Variants in ATRNL1 observed in about 807,000 individuals in gnomAD.
ATRNL1 encodes attractin like 1.
Under a neutral mutation model 182.7 loss-of-function variants are expected in ATRNL1, and 95 were observed. The observed-to-expected ratio is 0.52, with a 90% CI of 0.44 to 0.62. The LOEUF (loss-of-function observed/expected upper bound fraction) is 0.62. ATRNL1 is among the 20% of genes least tolerant of loss of function. ATRNL1 has a pLI of 0.00. For missense variants in ATRNL1, 1,471 were observed against 1,679.5 expected (o/e 0.88, Z 2.17); for synonymous variants, 576 against 568.3 (o/e 1.01, Z -0.19).
chr10:115,549,024 T>A (rs1852819438), intron 25 of ATRNL1, among the ~76,000 whole-genome samples: 1 of 152,124 alleles, frequency 6.6e-6, no homozygotes, highest in Non-Finnish European at 1.5e-5. Context: ...TAATTTAATA[T>A]GTTCATATAT....
At chr10:115,837,572 A>C (rs937971453) in intron 27 of ATRNL1, among the ~76,000 whole-genome samples, 12 of 151,368 alleles carry the variant, frequency 7.9e-5, no homozygotes, top group Admixed American at 7.9e-4. Flanking sequence ...CATCCATAAA[A>C]TATTTTTCTG....
At chr10:115,297,012 G>A (rs1056445197) in intron 15 of ATRNL1, among the ~76,000 whole-genome samples, 4 of 152,184 alleles carry the variant, frequency 2.6e-5, no homozygotes, top group Admixed American at 6.5e-5. Context: ...GGCATCTAAC[G>A]AGTAATGTGG....
chr10:115,652,169 A>G (rs544662202), intron 26 of ATRNL1, among the ~76,000 whole-genome samples: 14 of 152,046 alleles, frequency 9.2e-5, no homozygotes, highest in Non-Finnish European at 2.1e-4. Context: ...ATAGCTGTAA[A>G]GGGGATTGTT....
intron 27 of ATRNL1, among the ~76,000 whole-genome samples, chr10:115,829,607 A>G (rs1036832123): frequency 6.6e-6 from 1 of 152,050 alleles, no homozygotes; most frequent in Admixed American, 6.6e-5. Context: ...TTCCTGAGCT[A>G]GCATATACTT....
chr10:115,571,568 T>G (rs1220900515), intron 26 of ATRNL1, among the ~76,000 whole-genome samples: 5 of 152,194 alleles, frequency 3.3e-5, no homozygotes, highest in African/African-American at 1.2e-4. Flanking sequence ...ATTTTCTCTC[T>G]AGTAGGCTGG....
At chr10:115,702,427 G>A (rs1397122320) in intron 26 of ATRNL1, among the ~76,000 whole-genome samples, 2 of 151,942 alleles carry the variant, frequency 1.3e-5, no homozygotes, top group Admixed American at 1.3e-4. Context: ...AGAGCAATCA[G>A]GCAAGGAAAA....
At chr10:115,544,882 G>C (rs985623940) in intron 25 of ATRNL1, among the ~76,000 whole-genome samples, 1 of 152,112 alleles carries the variant, frequency 6.6e-6, no homozygotes, top group Admixed American at 6.5e-5. Context: ...TAACTATGCT[G>C]AATAAATATG....
intron 26 of ATRNL1, among the ~76,000 whole-genome samples, chr10:115,562,192 A>G (rs1853798869): frequency 6.6e-6 from 1 of 152,186 alleles, no homozygotes; most frequent in African/African-American, 2.4e-5. Flanking sequence ...TTCTACATTA[A>G]AAAGGAATGA....
At chr10:115,243,055 ATGAAAGTTTTGTTTGT>A (rs1409142542) in intron 10 of ATRNL1, among the ~76,000 whole-genome samples, 68 of 152,066 alleles carry the variant, frequency 4.5e-4, no homozygotes, top group African/African-American at 1.6e-3. Context: ...CTGGAAGTTG[ATGAAAGTTTTGTTTGT>A]TTGTTTTTCT....
intron 24 of ATRNL1, among the ~76,000 whole-genome samples, chr10:115,507,429 T>C (rs541463683): frequency 6.6e-6 from 1 of 152,144 alleles, no homozygotes; most frequent in Non-Finnish European, 1.5e-5. Flanking sequence ...AATGCGTGAT[T>C]GCAAATATTA....
chr10:115,240,713 TA>T (rs1282490140), intron 9 of ATRNL1, among the ~76,000 whole-genome samples: 3 of 152,138 alleles, frequency 2.0e-5, no homozygotes, highest in African/African-American at 7.2e-5. Flanking sequence ...AGTAGTTATT[TA>T]ATATTTATTT....
At chr10:115,896,914 G>A (rs190614024) in intron 28 of ATRNL1, among the ~76,000 whole-genome samples, 25 of 152,202 alleles carry the variant, frequency 1.6e-4, no homozygotes, top group African/African-American at 6.0e-4. Context: ...ACTTGTAATA[G>A]GGAGGACCCA....
chr10:115,683,116 TTTTAA>T (rs1323638679), intron 26 of ATRNL1, among the ~76,000 whole-genome samples: 5 of 152,260 alleles, frequency 3.3e-5, no homozygotes, highest in African/African-American at 4.8e-5. Context: ...TTGATAAAGT[TTTTAA>T]TTTAATATAT....
At chr10:115,112,764 GA>G (rs1229747057) in intron 1 of ATRNL1, among the ~76,000 whole-genome samples, 2 of 152,104 alleles carry the variant, frequency 1.3e-5, no homozygotes, top group African/African-American at 2.4e-5. Flanking sequence ...AATTTGTGAG[GA>G]AAAAATCATC....
chr10:115,654,184 G>A (rs1416148303), intron 26 of ATRNL1, among the ~76,000 whole-genome samples: 1 of 151,642 alleles, frequency 6.6e-6, no homozygotes, highest in African/African-American at 2.4e-5. Context: ...TGGCATTGCT[G>A]TTGTAGACAG....
chr10:115,510,638 T>A (rs1469912428), intron 24 of ATRNL1, among the ~76,000 whole-genome samples: 1 of 152,002 alleles, frequency 6.6e-6, no homozygotes, highest in Non-Finnish European at 1.5e-5. Flanking sequence ...ACCAAAAAAA[T>A]TTTGTGACCC....
At chr10:115,355,930 T>C (rs1856484366) in intron 19 of ATRNL1, among the ~76,000 whole-genome samples, 1 of 152,048 alleles carries the variant, frequency 6.6e-6, no homozygotes, top group Non-Finnish European at 1.5e-5. Flanking sequence ...TTTTCAGTTT[T>C]GGGGAAAAAA....
chr10:115,918,028 G>A (rs115468942), intron 28 of ATRNL1, among the ~76,000 whole-genome samples: 2,114 of 150,536 alleles, frequency 0.014, 56 homozygotes, highest in African/African-American at 0.049. Flanking sequence ...TTATTGCCTT[G>A]CTGCAAAATA....
chr10:115,413,707 A>T (rs575111530), intron 20 of ATRNL1, among the ~76,000 whole-genome samples: 2 of 152,096 alleles, frequency 1.3e-5, no homozygotes, highest in Non-Finnish European at 2.9e-5. Flanking sequence ...ACTTTCTGGT[A>T]TAAGAAGATA....
Sources: allele counts gnomAD v4.1 joint callset (sites outside exome capture counted in the v4.1 genomes callset), GRCh38; gene constraint gnomAD v4.1.1; transcripts MANE v1.5; gene names NCBI Gene and HGNC (gene_info 2026-07-23, HGNC 2026-07-21).